The following ST8SIA6 variants were observed in gnomAD, a reference collection of about 807,000 sequenced individuals.
The protein encoded by ST8SIA6 is ST8 alpha-N-acetyl-neuraminide alpha-2,8-sialyltransferase 6.
Under a neutral mutation model 33.6 loss-of-function variants are expected in ST8SIA6, and 39 were observed. The observed-to-expected ratio is 1.16, with a 90% CI of 0.90 to 1.52. ST8SIA6 has a LOEUF of 1.52. ST8SIA6 is among the 40% of genes most tolerant of loss of function. The pLI is 0.00. For missense variants in ST8SIA6, 441 were observed against 443.8 expected (o/e 0.99, Z 0.06); for synonymous variants, 172 against 167.2 (o/e 1.03, Z -0.22).
intron 2 of ST8SIA6, among the ~76,000 whole-genome samples, chr10:17,425,844 A>T (rs1851921878): frequency 6.6e-6 from 1 of 151,924 alleles, no homozygotes; most frequent in African/African-American, 2.4e-5. Flanking sequence ...ATACGGTGGT[A>T]TAAGGCCTAA....
intron 3 of ST8SIA6, among the ~76,000 whole-genome samples, chr10:17,371,937 G>C (rs1337422331): frequency 2.0e-5 from 3 of 151,924 alleles, no homozygotes; most frequent in Non-Finnish European, 2.9e-5. Context: ...TTATATACAA[G>C]AGTTCTAAAT....
At chr10:17,333,700 TATATATA>T (rs1848388914) in intron 4 of ST8SIA6, among the ~76,000 whole-genome samples, 1 of 27,276 alleles carries the variant, frequency 3.7e-5, no homozygotes, top group African/African-American at 1.7e-4. Flanking sequence ...TATATATATA[TATATATA>T]TATATATATA....
chr10:17,388,331 T>G (rs1431073542), intron 3 of ST8SIA6, among the ~76,000 whole-genome samples: 1 of 152,176 alleles, frequency 6.6e-6, no homozygotes, highest in African/African-American at 2.4e-5. Context: ...TGTCTCTTCC[T>G]CTAAGCAAAT....
At chr10:17,440,810 T>C (rs1211919933) in intron 2 of ST8SIA6, among the ~76,000 whole-genome samples, 1 of 152,184 alleles carries the variant, frequency 6.6e-6, no homozygotes, top group Admixed American at 6.5e-5. Flanking sequence ...ATAAAAGACA[T>C]GGAGTTGTAT....
intron 4 of ST8SIA6, among the ~76,000 whole-genome samples, chr10:17,336,695 G>A (rs1848509866): frequency 6.7e-6 from 1 of 150,304 alleles, no homozygotes; most frequent in African/African-American, 2.5e-5. Flanking sequence ...CCAGGTTCAA[G>A]CGATTCTCCT....
intron 3 of ST8SIA6, among the ~76,000 whole-genome samples, chr10:17,387,896 A>G (rs1387887845): frequency 6.6e-6 from 1 of 152,222 alleles, no homozygotes; most frequent in African/African-American, 2.4e-5. Context: ...TGCCCACTGT[A>G]TATCTGGAGG....
chr10:17,327,032 T>G lies in ST8SIA6; in HGVS notation c.617A>C (p.Lys206Thr). The G allele has an allele frequency of 6.2e-7, 1 of 1,601,698 alleles. No homozygotes were observed. ...GTCTTACCTAAAAACGAAGTCGGATTTATCTATTTCAGTTCCACAGAGAGA... is the reference window on the plus strand; with the variant it reads ...GTCTTACCTAAAAACGAAGTCGGATGTATCTATTTCAGTTCCACAGAGAGA... Reference protein sequence around the residue: ...NKSLCGTEIDKSDFVFRCNLP... With the variant: ...NKSLCGTEIDTSDFVFRCNLP... Residue 206 changes from lysine to threonine, a missense_variant, in exon 6 of 8, where the codon AAA becomes ACA. Physicochemically the swap from Lys to Thr is moderately conservative, Grantham distance 78. Coordinates refer to ENST00000377602, the MANE Select transcript of ST8SIA6 (RefSeq NM_001004470.3).
Position 17,317,894 on chromosome 10 carries a change from G to C in ST8SIA6, c.*2984C>G, listed in dbSNP as rs571683058. On this transcript the variant is annotated 3_prime_UTR_variant, in exon 8 of 8. Coordinates refer to ENST00000377602, the MANE Select transcript of ST8SIA6 (RefSeq NM_001004470.3). ...CTTTAGTGAAAGCCATGATCTATTT[G>C]TCATTGCCTTTTGTTCCAAGGGAAA... Among the ~76,000 whole-genome samples the C allele has an allele frequency of 2.7e-4, 41 of 152,302 alleles. No homozygotes were observed. Among genetic ancestry groups the C allele is most frequent in the Non-Finnish European group, 3.8e-4 (26 of 68,012 alleles).
intron 2 of ST8SIA6, among the ~76,000 whole-genome samples, chr10:17,409,066 A>G (rs1297743774): frequency 1.3e-5 from 2 of 152,042 alleles, no homozygotes; most frequent in African/African-American, 4.8e-5. Context: ...TACAGGCGTG[A>G]GCCACAGCAT....
At chr10:17,374,079 A>ACACC (rs1849816258) in intron 3 of ST8SIA6, among the ~76,000 whole-genome samples, 1 of 94,130 alleles carries the variant, frequency 1.1e-5, no homozygotes, top group African/African-American at 5.2e-5. Flanking sequence ...CACCACACAC[A>ACACC]CACACACACA....
In ST8SIA6 at chr10:17,319,124, T is replaced by C. The variant is rs1445415126; in HGVS notation, c.*1754A>G. ...AAAAAGATAAAAAGAATGCACATGT[T>C]ATATGTGTCACAATGAATGTGTCTA... On this transcript the variant is annotated 3_prime_UTR_variant, in exon 8 of 8. Coordinates refer to ENST00000377602, the MANE Select transcript of ST8SIA6 (RefSeq NM_001004470.3). 6.6e-6 allele frequency among the ~76,000 whole-genome samples: 1 copy of C among 152,208 alleles called. No individual in the cohort carries two copies. Among genetic ancestry groups the C allele is most frequent in the East Asian group, 1.9e-4 (1 of 5,196 alleles).
intron 3 of ST8SIA6, among the ~76,000 whole-genome samples, chr10:17,363,288 A>ATG (rs1491372466): frequency 7.8e-6 from 1 of 128,986 alleles, no homozygotes; most frequent in East Asian, 3.0e-4. Context: ...AAAGGCATGC[A>ATG]TATGTGTGTG....
chr10:17,343,585 G>A (rs1564411274), intron 4 of ST8SIA6, among the ~76,000 whole-genome samples: 1 of 152,026 alleles, frequency 6.6e-6, no homozygotes, highest in Non-Finnish European at 1.5e-5. Context: ...ACAAAACAGA[G>A]GAGGAAAGAA....
intron 2 of ST8SIA6, among the ~76,000 whole-genome samples, chr10:17,427,488 A>C (rs939787096): frequency 6.6e-6 from 1 of 152,230 alleles, no homozygotes. Flanking sequence ...ATGATTCCAG[A>C]AGAGGCCTCT....
chr10:17,409,694 T>C (rs1011393437), intron 2 of ST8SIA6: 1 of 152,108 alleles, frequency 6.6e-6, no homozygotes, highest in African/African-American at 2.4e-5. Context: ...CTGACCAACA[T>C]GGAGAAACCC....
chr10:17,357,267 A>G (rs1033364886), intron 4 of ST8SIA6, among the ~76,000 whole-genome samples: 1 of 151,348 alleles, frequency 6.6e-6, no homozygotes, highest in Non-Finnish European at 1.5e-5. Flanking sequence ...TTGGGATTAC[A>G]AGTGCATGCC....
intron 2 of ST8SIA6, among the ~76,000 whole-genome samples, chr10:17,452,205 G>A (rs1490296409): frequency 6.6e-6 from 1 of 152,168 alleles, no homozygotes; most frequent in Non-Finnish European, 1.5e-5. Flanking sequence ...ACTCCAGGAG[G>A]TCCTAGTGCC....
intron 3 of ST8SIA6, among the ~76,000 whole-genome samples, chr10:17,361,400 T>A (rs1849383924): frequency 6.6e-6 from 1 of 151,866 alleles, no homozygotes; most frequent in Admixed American, 6.6e-5. Context: ...TTAGGTGCAG[T>A]GGAGATATGT....
intron 7 of ST8SIA6, 49 bp from the exon 8 acceptor site, chr10:17,321,395 G>A (rs887187015): frequency 1.3e-5 from 19 of 1,449,208 alleles, no homozygotes; most frequent in Non-Finnish European, 1.6e-5. Flanking sequence ...AATAATCAAA[G>A]TAGCAGTTTT....
Sources: allele counts gnomAD v4.1 joint callset (sites outside exome capture counted in the v4.1 genomes callset), GRCh38; gene constraint gnomAD v4.1.1; transcripts MANE v1.5; gene names NCBI Gene and HGNC (gene_info 2026-07-23, HGNC 2026-07-21).